GRIP1: variants seen among roughly 807,000 people sequenced by gnomAD.
GRIP1 encodes the protein glutamate receptor interacting protein 1, also known as glutamate receptor-interacting protein 1.
GRIP1 carries 45 observed loss-of-function variants against 129.9 expected under a neutral mutation model. The observed-to-expected ratio is 0.35, with a 90% CI of 0.27 to 0.44. The LOEUF (loss-of-function observed/expected upper bound fraction) is 0.44. GRIP1 is among the 20% of genes least tolerant of loss of function. The pLI is 1.00. For synonymous variants in GRIP1, 530 were observed against 520.8 expected, an observed-to-expected ratio of 1.02 and a Z score of -0.24; for missense variants, 1,196 against 1,396.8, an observed-to-expected ratio of 0.86 and a Z score of 2.29.
At chr12:66,982,619 C>A (rs976040101) in intron 1 of GRIP1, among the ~76,000 whole-genome samples, 7 of 152,164 alleles carry the variant, frequency 4.6e-5, no homozygotes, top group Non-Finnish European at 8.8e-5. Flanking sequence ...TGAGAAACTG[C>A]AGCTTTCAGT....
upstream of GRIP1, chr12:66,679,285 T>TG (rs1027221851): frequency 2.2e-4 from 92 of 413,796 alleles, no homozygotes; most frequent in African/African-American, 1.7e-3. Flanking sequence ...CAAAAGGCGA[T>TG]GTATCCAGTC....
intron 1 of GRIP1, among the ~76,000 whole-genome samples, chr12:66,640,450 A>T (rs1186323677): frequency 6.6e-6 from 1 of 152,202 alleles, no homozygotes; most frequent in African/African-American, 2.4e-5. Flanking sequence ...CAAAACTACA[A>T]ATAGATTATA....
Position 66,424,673 on chromosome 12 carries a change from T to C in GRIP1, c.1769-3884A>G, listed in dbSNP as rs75328402. 9.7e-4 allele frequency among the ~76,000 whole-genome samples: 148 copies of C among 152,364 alleles called. 1 individual carries two copies. In the East Asian group the frequency reaches 0.025, roughly 26 times the overall value. On this transcript the variant is annotated intron_variant, in intron 14 of 24. Coordinates refer to ENST00000359742, the MANE Select transcript of GRIP1 (RefSeq NM_001366722.1). ...CAACAGCATCCAGAGGTAAGTCATA[T>C]AGCATTCCATGATTTCTTTCCTTTT...
chr12:66,538,741 TACA>T, intron 4 of GRIP1, among the ~76,000 whole-genome samples: 1 of 151,846 alleles, frequency 6.6e-6, no homozygotes, highest in African/African-American at 2.4e-5. Flanking sequence ...TAACTGGGAC[TACA>T]GGTGTGCACC....
chr12:67,001,796 A>C (rs1054540281), intron 1 of GRIP1, among the ~76,000 whole-genome samples: 4 of 152,094 alleles, frequency 2.6e-5, no homozygotes, highest in African/African-American at 9.7e-5. Flanking sequence ...TGACTCTCTC[A>C]TAGACACCCT....
chr12:66,521,347 C>T (rs946042881), intron 5 of GRIP1, among the ~76,000 whole-genome samples: 1 of 152,216 alleles, frequency 6.6e-6, no homozygotes, highest in Non-Finnish European at 1.5e-5. Context: ...AAATCCAAAT[C>T]TGTACAAGTT....
intron 6 of GRIP1, 79 bp from the exon 7 acceptor site, chr12:66,515,843 C>A: frequency 8.6e-7 from 1 of 1,156,758 alleles, no homozygotes; most frequent in South Asian, 1.2e-5. Flanking sequence ...TAGCCAAATT[C>A]GTTTTGTCAC....
At chr12:66,568,276 AT>A in intron 2 of GRIP1, 1 of 188,642 alleles carries the variant, frequency 5.3e-6, no homozygotes. Flanking sequence ...GAGAGGTACC[AT>A]TTCACATTCT....
intron 1 of GRIP1, among the ~76,000 whole-genome samples, chr12:66,705,015 TCTG>T (rs1163201254): frequency 6.6e-6 from 1 of 152,100 alleles, no homozygotes; most frequent in African/African-American, 2.4e-5. Context: ...ATGAAGGTCT[TCTG>T]CTCTATTACA....
chr12:67,064,889 C>T (rs2043596075), intron 1 of GRIP1: 1 of 146,970 alleles, frequency 6.8e-6, no homozygotes, highest in African/African-American at 2.5e-5. Flanking sequence ...TCTCCCAATG[C>T]TATCCCTCCC....
chr12:66,486,221 A>C (rs575869661), intron 7 of GRIP1, among the ~76,000 whole-genome samples: 5 of 152,138 alleles, frequency 3.3e-5, no homozygotes, highest in Non-Finnish European at 7.4e-5. Flanking sequence ...TCATGTTAGA[A>C]TTTATGTGAC....
intron 1 of GRIP1, among the ~76,000 whole-genome samples, chr12:66,886,110 A>C (rs545780108): frequency 6.6e-6 from 1 of 152,056 alleles, no homozygotes; most frequent in African/African-American, 2.4e-5. Flanking sequence ...CTAAAAATAC[A>C]AACAAATTAG....
At chr12:66,401,589 A>T (rs1237060617) in intron 16 of GRIP1, among the ~76,000 whole-genome samples, 1 of 29,948 alleles carries the variant, frequency 3.3e-5, no homozygotes, top group Non-Finnish European at 6.4e-5. Context: ...CAAAAAAAAA[A>T]ATATGTGTGT....
chr12:66,598,251 C>T (rs2064132560), intron 1 of GRIP1, among the ~76,000 whole-genome samples: 1 of 152,146 alleles, frequency 6.6e-6, no homozygotes, highest in Admixed American at 6.5e-5. Context: ...ATGATTTCTT[C>T]ATAAAATTAA....
At chr12:66,569,970 C>T (rs1565871434) in intron 2 of GRIP1, among the ~76,000 whole-genome samples, 1 of 152,118 alleles carries the variant, frequency 6.6e-6, no homozygotes. Flanking sequence ...TCACCAGGAA[C>T]TGCAACCAAG....
chr12:66,359,618 C>A (rs1402909611), intron 23 of GRIP1, among the ~76,000 whole-genome samples: 1 of 152,124 alleles, frequency 6.6e-6, no homozygotes, highest in African/African-American at 2.4e-5. Flanking sequence ...GGATGAGAGG[C>A]TAATAAATAG....
intron 1 of GRIP1, among the ~76,000 whole-genome samples, chr12:66,967,870 T>C (rs2042019243): frequency 6.6e-6 from 1 of 152,148 alleles, no homozygotes; most frequent in Non-Finnish European, 1.5e-5. Context: ...ATGTGATCTA[T>C]CTTGGTGAAT....
At chr12:66,642,886 T>C (rs1036003720) in intron 1 of GRIP1, among the ~76,000 whole-genome samples, 1 of 152,156 alleles carries the variant, frequency 6.6e-6, no homozygotes, top group Non-Finnish European at 1.5e-5. Flanking sequence ...CCTAAGTATA[T>C]ATGAGAACTC....
At chr12:66,606,307 G>A (rs10878463) in intron 1 of GRIP1, among the ~76,000 whole-genome samples, 51,220 of 151,040 alleles carry the variant, frequency 0.34, 8,926 homozygotes, top group Non-Finnish European at 0.37. Context: ...GTATGTAAGG[G>A]GTATAAGTTA....
Sources: allele counts gnomAD v4.1 joint callset (sites outside exome capture counted in the v4.1 genomes callset), GRCh38; gene constraint gnomAD v4.1.1; transcripts MANE v1.5; gene names NCBI Gene and HGNC (gene_info 2026-07-23, HGNC 2026-07-21).